Variants in PDE4B observed in about 807,000 individuals in gnomAD.
The protein encoded by PDE4B is 3',5'-cyclic-AMP phosphodiesterase 4B.
In PDE4B, 20 loss-of-function variants were observed where a neutral mutation model predicts 82.2. That is an observed-to-expected ratio of 0.24 (90% CI 0.17 to 0.35). PDE4B has a LOEUF of 0.35. Among genes scored for constraint, PDE4B ranks in the 10% least tolerant of loss-of-function variants. The pLI, the probability that PDE4B is intolerant of heterozygous loss-of-function variation, is 1.00. For synonymous variants in PDE4B, 320 were observed against 318.9 expected (o/e 1.00, Z -0.04); for missense variants, 655 against 907.2 (o/e 0.72, Z 3.57).
intron 3 of PDE4B, among the ~76,000 whole-genome samples, chr1:66,228,450 C>G (rs1651644042): frequency 6.6e-6 from 1 of 151,992 alleles, no homozygotes; most frequent in Non-Finnish European, 1.5e-5. Flanking sequence ...CAGTGAAACC[C>G]CATCTCTACT....
At chr1:66,212,372 A>T (rs1650118323) in intron 3 of PDE4B, among the ~76,000 whole-genome samples, 1 of 152,118 alleles carries the variant, frequency 6.6e-6, no homozygotes, top group Admixed American at 6.5e-5. Flanking sequence ...TCCTCATGCC[A>T]TGCCAGCCTT....
At chr1:66,135,211 G>A (rs767379517) in intron 3 of PDE4B, among the ~76,000 whole-genome samples, 11 of 152,310 alleles carry the variant, frequency 7.2e-5, no homozygotes, top group Admixed American at 1.3e-4. Flanking sequence ...TGTAGCTTGA[G>A]ATAAATATAG....
intron 1 of PDE4B, among the ~76,000 whole-genome samples, chr1:65,813,039 A>C (rs966583369): frequency 6.6e-6 from 1 of 152,118 alleles, no homozygotes; most frequent in Non-Finnish European, 1.5e-5. Context: ...AGATACTAAA[A>C]CTGGAACGAG....
intron 3 of PDE4B, among the ~76,000 whole-genome samples, chr1:65,989,346 A>G (rs1651119353): frequency 6.6e-6 from 1 of 152,008 alleles, no homozygotes; most frequent in African/African-American, 2.4e-5. Context: ...CTAAGAATAC[A>G]AAAAATTAGC....
chr1:66,119,275 C>T (rs1359032343), intron 3 of PDE4B, among the ~76,000 whole-genome samples: 3 of 152,156 alleles, frequency 2.0e-5, no homozygotes, highest in Non-Finnish European at 4.4e-5. Flanking sequence ...TTTGTGTATT[C>T]GGTGGTGTGT....
intron 3 of PDE4B, among the ~76,000 whole-genome samples, chr1:66,126,997 AAG>A (rs1305769894): frequency 6.6e-6 from 1 of 152,154 alleles, no homozygotes; most frequent in Non-Finnish European, 1.5e-5. Context: ...AAGACAAAGA[AAG>A]AGGGGGGAAC....
chr1:65,932,461 G>A (rs1427531991), intron 3 of PDE4B, among the ~76,000 whole-genome samples: 1 of 152,090 alleles, frequency 6.6e-6, no homozygotes, highest in African/African-American at 2.4e-5. Context: ...CCATGGCTGA[G>A]CTGGTTAGTG....
In PDE4B at chr1:66,363,587, C is replaced by A. The variant is rs7537380; in HGVS notation, c.1284+16C>A. 3.9e-3 allele frequency: 6,246 copies of A among 1,599,768 alleles called. 195 individuals carry two copies. In the African/African-American group the frequency reaches 0.072, roughly 19 times the overall value. The stretch of plus-strand genomic sequence containing the variant: ...AGCATTAGACGTGAGTAATTATGAC[C>A]TGTTTTGCATTCCTGCCCATCCTCC... On this transcript the variant is annotated intron_variant, in intron 12 of 16. Transcript: ENST00000341517.
intron 3 of PDE4B, among the ~76,000 whole-genome samples, chr1:66,175,458 T>C (rs1236791956): frequency 2.0e-5 from 3 of 152,138 alleles, no homozygotes; most frequent in African/African-American, 7.2e-5. Flanking sequence ...GTGATGAAAA[T>C]AAAACCGGTA....
chr1:65,816,903 A>G (rs78495077), intron 1 of PDE4B, among the ~76,000 whole-genome samples: 2 of 152,368 alleles, frequency 1.3e-5, no homozygotes, highest in East Asian at 3.9e-4. Flanking sequence ...CAACACAAAT[A>G]CATTCATAAA....
chr1:65,851,300 T>C (rs1024064018), intron 1 of PDE4B, among the ~76,000 whole-genome samples: 106 of 152,196 alleles, frequency 7.0e-4, no homozygotes, highest in Non-Finnish European at 1.3e-3. Context: ...ATTTTAGCAT[T>C]TTTTTCTTTT....
intron 3 of PDE4B, among the ~76,000 whole-genome samples, chr1:65,980,250 A>G (rs1301935321): frequency 2.0e-5 from 3 of 152,194 alleles, no homozygotes; most frequent in African/African-American, 7.2e-5. Context: ...ATAAAATAAT[A>G]TTTTCTGTCA....
chr1:66,104,657 T>G (rs1201859526), intron 3 of PDE4B, among the ~76,000 whole-genome samples: 1 of 148,230 alleles, frequency 6.7e-6, no homozygotes, highest in Non-Finnish European at 1.5e-5. Context: ...GGTATCTCAT[T>G]GTGGTTTTGA....
chr1:66,147,599 A>G (rs867420838), intron 3 of PDE4B, among the ~76,000 whole-genome samples: 23 of 152,180 alleles, frequency 1.5e-4, no homozygotes, highest in Admixed American at 1.1e-3. Flanking sequence ...AGTAAAAGCT[A>G]TTTTCTAAAT....
At chr1:66,320,119 A>G (rs1390831152) in intron 7 of PDE4B, among the ~76,000 whole-genome samples, 2 of 151,872 alleles carry the variant, frequency 1.3e-5, no homozygotes, top group Non-Finnish European at 2.9e-5. Context: ...TCATTTTCCA[A>G]CCTCTCAAAC....
Position 66,189,289 on chromosome 1 carries a change from G to T in PDE4B, c.282-58171G>T, listed in dbSNP as rs201423760. ...CATTTTTTCCTTCATTTCAACTTTG[G>T]TGAATCTGACAATTATATGTCTTGG... On this transcript the variant is annotated intron_variant, in intron 3 of 16. Transcript: ENST00000341517. 7.6e-4 allele frequency among the ~76,000 whole-genome samples: 115 copies of T among 151,612 alleles called. 1 individual carries two copies. The East Asian group carries it at 0.01, about 13-fold the overall frequency.
At chr1:65,997,413 G>A (rs773368019) in intron 3 of PDE4B, among the ~76,000 whole-genome samples, 3 of 152,010 alleles carry the variant, frequency 2.0e-5, no homozygotes, top group Non-Finnish European at 4.4e-5. Flanking sequence ...AGTTTTAAAA[G>A]CCATAGTTAG....
chr1:65,968,170 G>A (rs935402201), intron 3 of PDE4B, among the ~76,000 whole-genome samples: 4 of 152,020 alleles, frequency 2.6e-5, no homozygotes, highest in African/African-American at 9.7e-5. Context: ...GAGTTCTAAC[G>A]CCAGCTCTTC....
intron 1 of PDE4B, among the ~76,000 whole-genome samples, chr1:65,803,668 C>T (rs1434458259): frequency 2.0e-5 from 3 of 152,016 alleles, no homozygotes; most frequent in Non-Finnish European, 2.9e-5. Flanking sequence ...TGGGAAAACT[C>T]GGATTAAAAT....
Sources: gnomAD v4.1 joint callset for allele counts (sites outside exome capture counted in the v4.1 genomes callset) on GRCh38, gnomAD v4.1.1 for gene constraint, MANE v1.5 for transcripts, NCBI Gene and HGNC (gene_info 2026-07-23, HGNC 2026-07-21) for gene names.